CELF2: variants seen among roughly 807,000 people sequenced by gnomAD.
CELF2 encodes CUGBP Elav-like family member 2.
CELF2 carries 8 observed loss-of-function variants against 62.6 expected under a neutral mutation model. That is an observed-to-expected ratio of 0.13 (90% CI 0.07 to 0.23). The LOEUF (loss-of-function observed/expected upper bound fraction) is 0.23, where lower values mean the gene tolerates loss of function less well. Among genes scored for constraint, CELF2 ranks in the 10% least tolerant of loss-of-function variants. The probability of loss-of-function intolerance (pLI) is 1.00; values close to 1 mark genes in which losing one functional copy is unlikely to be tolerated. For synonymous variants in CELF2, 258 were observed against 250.0 expected (o/e 1.03, Z -0.30); for missense variants, 333 against 671.0 (o/e 0.50, Z 5.56).
chr10:10,944,661 G>T (rs2047448339), intron 2 of CELF2, among the ~76,000 whole-genome samples: 1 of 151,918 alleles, frequency 6.6e-6, no homozygotes, highest in Non-Finnish European at 1.5e-5. Flanking sequence ...GAGTGCAGTG[G>T]CGTGATCTCA....
the CELF2 span, among the ~76,000 whole-genome samples, chr10:10,550,131 T>C: frequency 1.1e-3 from 174 of 152,316 alleles, no homozygotes; most frequent in African/African-American, 4.0e-3. Context: ...AAACAGTGGA[T>C]TGACACATAT....
intron 5 of CELF2, among the ~76,000 whole-genome samples, chr10:11,266,211 A>T (rs2082150954): frequency 6.6e-6 from 1 of 152,208 alleles, no homozygotes; most frequent in South Asian, 2.1e-4. Flanking sequence ...CAAAGCCCTG[A>T]TGTGTGAATG....
rs2066045838 is a variant in CELF2, at chr10:10,931,421, G to A, written c.89+11422G>A. On this transcript the variant is annotated intron_variant, in intron 2 of 13. Coordinates refer to the CELF2 transcript ENST00000636488. The surrounding 1 kb of genome is among the most constrained non-coding windows in gnomAD (Gnocchi z 6.1). Reference sequence around the variant, plus strand: ...CAAGCTCCATAAAGGATTCTAAAGAGAAACTCATACTGGAAACATGATTAT... The same window carrying A: ...CAAGCTCCATAAAGGATTCTAAAGAAAAACTCATACTGGAAACATGATTAT... Among the ~76,000 whole-genome samples the A allele has an allele frequency of 1.3e-5, 2 of 152,086 alleles. No individual in the cohort carries two copies. Among genetic ancestry groups the A allele is most frequent in the Admixed American group, 1.3e-4 (2 of 15,270 alleles).
the CELF2 span, among the ~76,000 whole-genome samples, chr10:10,639,455 T>G: frequency 3.9e-4 from 59 of 152,200 alleles, no homozygotes; most frequent in African/African-American, 1.4e-3. Flanking sequence ...CAAGTAAATT[T>G]TATAAACGTT....
At chr10:10,755,325 C>A in the CELF2 span, among the ~76,000 whole-genome samples, 80,437 of 152,008 alleles carry the variant, frequency 0.53, 22,117 homozygotes, top group African/African-American at 0.68. Context: ...CAGTGCATTA[C>A]AATTCTAATC....
At chr10:10,543,488 A>G in the CELF2 span, among the ~76,000 whole-genome samples, 6 of 152,184 alleles carry the variant, frequency 3.9e-5, no homozygotes, top group African/African-American at 1.4e-4. Flanking sequence ...CAGGAACATC[A>G]CAGAGAAACT....
Position 11,235,873 on chromosome 10 carries a change from T to C in CELF2, c.355-13280T>C, listed in dbSNP as rs760559256. 1.1e-4 allele frequency among the ~76,000 whole-genome samples: 16 copies of C among 152,344 alleles called. No individual in the cohort carries two copies. The South Asian group carries it at 3.3e-3, about 32-fold the overall frequency. On this transcript the variant is annotated intron_variant, in intron 3 of 12. Transcript: ENST00000633077. ...AAAACAGATATTTAATCATTTTTGC[T>C]TAAACGTGAGTAAGAATGGGGAATT...
the CELF2 span, among the ~76,000 whole-genome samples, chr10:10,562,737 C>A: frequency 6.9e-6 from 1 of 145,578 alleles, no homozygotes; most frequent in Non-Finnish European, 1.5e-5. Flanking sequence ...CTTCCTCTTC[C>A]CATTCCTTCC....
chr10:11,315,569 TTTTAGTACATCTTTGTA>T lies in CELF2; in HGVS notation c.1096+1326_1096+1342del, dbSNP rs1312586723. ...TTTCAGAATTAGGACATTTTTCAGG[TTTTAGTACATCTTTGTA>T]TTTAGTACATCTTTTGGGGAAAAGC... On this transcript the variant is annotated intron_variant, in intron 10 of 12. Coordinates refer to ENST00000633077, the MANE Select transcript of CELF2 (RefSeq NM_001326342.2). This position sits in a 1 kb window ranked among gnomAD's most constrained non-coding sequence, Gnocchi z 5.8. Among the ~76,000 whole-genome samples the T allele has an allele frequency of 3.3e-5, 5 of 152,160 alleles. No homozygotes were observed. Among genetic ancestry groups the T allele is most frequent in the Non-Finnish European group, 7.4e-5 (5 of 68,016 alleles).
Position 11,319,432 on chromosome 10 carries a change from G to C in CELF2, c.1097-1757G>C, listed in dbSNP as rs1466675807. On this transcript the variant is annotated intron_variant, in intron 10 of 12. Coordinates refer to ENST00000633077, the MANE Select transcript of CELF2 (RefSeq NM_001326342.2). The surrounding 1 kb of genome is among the most constrained non-coding windows in gnomAD (Gnocchi z 4.4). ...GACAGAGGGGAAGCACAGCGGCAGG[G>C]AGGTGGCCGCGATTTGCTGGTGTCC... Among the ~76,000 whole-genome samples the C allele has an allele frequency of 6.6e-6, 1 of 152,202 alleles. No individual in the cohort carries two copies. The highest frequency in any genetic ancestry group is 1.5e-5 in the Non-Finnish European group (1 of 68,042).
chr10:10,590,113 C>T, the CELF2 span, among the ~76,000 whole-genome samples: 1 of 152,154 alleles, frequency 6.6e-6, no homozygotes, highest in Non-Finnish European at 1.5e-5. Context: ...GAAACATGTG[C>T]TGCCCTAAGG....
At chr10:10,910,577 TC>T (rs2063717973) in intron 1 of CELF2, among the ~76,000 whole-genome samples, 1 of 151,208 alleles carries the variant, frequency 6.6e-6, no homozygotes, top group Non-Finnish European at 1.5e-5. Context: ...GCTTCTGTCA[TC>T]CCAGCTAGCT....
intron 1 of CELF2, among the ~76,000 whole-genome samples, chr10:11,070,316 G>A (rs1011756159): frequency 6.6e-5 from 10 of 152,216 alleles, no homozygotes; most frequent in South Asian, 6.2e-4. Context: ...GAGCACCAGC[G>A]GTGGGGCGAG....
the CELF2 span, among the ~76,000 whole-genome samples, chr10:10,574,780 G>T: frequency 2.0e-5 from 3 of 151,626 alleles, no homozygotes; most frequent in African/African-American, 4.8e-5. Flanking sequence ...CATGATCTTT[G>T]CTCACTGCAA....
intron 2 of CELF2, among the ~76,000 whole-genome samples, chr10:11,188,242 A>AT (rs1226441405): frequency 6.6e-6 from 1 of 152,132 alleles, no homozygotes; most frequent in African/African-American, 2.4e-5. Context: ...AGTAGCTGGG[A>AT]TTACAGGCAT....
At chr10:10,968,918 C>T (rs911454282) in intron 2 of CELF2, among the ~76,000 whole-genome samples, 1 of 152,176 alleles carries the variant, frequency 6.6e-6, no homozygotes, top group African/African-American at 2.4e-5. Context: ...TATAATGACT[C>T]TAAGAATAAC....
chr10:10,524,822 A>T, the CELF2 span, among the ~76,000 whole-genome samples: 1 of 152,104 alleles, frequency 6.6e-6, no homozygotes, highest in East Asian at 1.9e-4. Flanking sequence ...TAGCACGTGT[A>T]TTTCTGGAGG....
chr10:11,060,070 A>T (rs142957933), intron 1 of CELF2, among the ~76,000 whole-genome samples: 2 of 152,332 alleles, frequency 1.3e-5, no homozygotes, highest in African/African-American at 4.8e-5. Flanking sequence ...GTCTAGTAAG[A>T]GAGTTGGTGC....
At chr10:10,631,868 A>G in the CELF2 span, among the ~76,000 whole-genome samples, 1 of 152,310 alleles carries the variant, frequency 6.6e-6, no homozygotes, top group South Asian at 2.1e-4. Context: ...AGGGAGGGCA[A>G]TTTACAAGAG....
Sources: gnomAD v4.1 joint callset for allele counts (sites outside exome capture counted in the v4.1 genomes callset) on GRCh38, gnomAD v4.1.1 for gene constraint, Gnocchi (gnomAD v3.1) non-coding constraint, MANE v1.5 for transcripts, NCBI Gene and HGNC (gene_info 2026-07-23, HGNC 2026-07-21) for gene names.